The following ZNF766 variants were observed in gnomAD, a reference collection of about 807,000 sequenced individuals.
ZNF766 encodes zinc finger protein 766.
A neutral mutation model predicts 13.2 loss-of-function variants in ZNF766; 13 were observed. The observed-to-expected ratio is 0.98, with a 90% CI of 0.64 to 1.56. ZNF766 has a LOEUF of 1.56. ZNF766 is among the 40% of genes most tolerant of loss of function. The pLI is 0.00. For synonymous variants in ZNF766, 178 were observed against 187.6 expected, an observed-to-expected ratio of 0.95 and a Z score of 0.42; for missense variants, 521 against 552.2, an observed-to-expected ratio of 0.94 and a Z score of 0.57.
intron 3 of ZNF766, chr19:52,288,044 G>A (rs991483548): frequency 2.4e-5 from 10 of 412,048 alleles, no homozygotes; most frequent in African/African-American, 2.2e-4. Flanking sequence ...TTTTTGAGAT[G>A]GAGTCCTGTT....
chr19:52,271,730 C>A (rs182020856), intron 1 of ZNF766, among the ~76,000 whole-genome samples: 1 of 152,314 alleles, frequency 6.6e-6, no homozygotes, highest in South Asian at 2.1e-4. Flanking sequence ...GAGGCCAAGG[C>A]GGGTGGATCA....
intron 3 of ZNF766, among the ~76,000 whole-genome samples, chr19:52,286,750 A>G (rs149491394): frequency 2.0e-5 from 3 of 152,228 alleles, no homozygotes; most frequent in Non-Finnish European, 4.4e-5. Flanking sequence ...ATGAGGTGTG[A>G]TCCATTTTAA....
chr19:52,277,710 G>A (rs1191687145), intron 1 of ZNF766, among the ~76,000 whole-genome samples: 3 of 151,996 alleles, frequency 2.0e-5, no homozygotes, highest in East Asian at 3.9e-4. Context: ...TCCATCTCTT[G>A]TGACCCAGTG....
intron 1 of ZNF766, among the ~76,000 whole-genome samples, chr19:52,280,791 A>G (rs190350716): frequency 1.2e-3 from 183 of 151,610 alleles, no homozygotes; most frequent in African/African-American, 4.2e-3. Flanking sequence ...CATGTTGGCC[A>G]GGATGGTCTT....
At chr19:52,269,995 AG>A (rs1302157178) in intron 1 of ZNF766, among the ~76,000 whole-genome samples, 4 of 152,216 alleles carry the variant, frequency 2.6e-5, no homozygotes, top group Admixed American at 2.0e-4. Flanking sequence ...GCCATTCGGG[AG>A]GGGCCGCGTC....
chr19:52,276,325 A>G (rs539761475), intron 1 of ZNF766, among the ~76,000 whole-genome samples: 1 of 152,168 alleles, frequency 6.6e-6, no homozygotes, highest in African/African-American at 2.4e-5. Context: ...AATGCTTGTT[A>G]TACTGGGTTG....
intron 1 of ZNF766, among the ~76,000 whole-genome samples, chr19:52,277,811 G>A (rs1331448209): frequency 2.0e-5 from 3 of 152,070 alleles, no homozygotes; most frequent in Non-Finnish European, 4.4e-5. Context: ...GCCCCGTGGT[G>A]TCAGTGCTGT....
In ZNF766 at chr19:52,294,635, G is replaced by A. The variant is rs1982275653; in HGVS notation, c.*3437G>A. ...AGGAGTGGGCACTGAGGATTTTTCA[G>A]TTGACCAGATGGGCAGAATAGGAAG... On this transcript the variant is annotated 3_prime_UTR_variant, in exon 4 of 4. Transcript: ENST00000439461. The A allele has an allele frequency of 6.6e-6, 1 of 152,204 alleles. No homozygotes were observed. Among genetic ancestry groups the A allele is most frequent in the African/African-American group, 2.4e-5 (1 of 41,444 alleles). 9.4% of individuals were successfully genotyped at this position (152,204 alleles called of 1,614,324 possible). A position where few individuals can be genotyped will look rare whatever the true frequency, so the allele number is the denominator to read the frequency against.
At chr19:52,289,625 C>T (rs1246479136) in intron 3 of ZNF766, among the ~76,000 whole-genome samples, 1 of 152,172 alleles carries the variant, frequency 6.6e-6, no homozygotes, top group Non-Finnish European at 1.5e-5. Context: ...GGGTTTTCTC[C>T]ACTGCCAGTG....
chr19:52,290,338 A>G lies in ZNF766; in HGVS notation c.547A>G (p.Arg183Gly). The change falls in exon 4 of 4, where the codon AGG (arginine) becomes GGG (glycine). Residue 183 changes from arginine (R) to glycine (G), a missense_variant. Physicochemically the swap from Arg to Gly is moderately radical, Grantham distance 125. Coordinates refer to ENST00000439461, the MANE Select transcript of ZNF766 (RefSeq NM_001010851.3). Reference protein sequence around the residue: ...LLSQEQKAHIRRKPYECNEQG... With the variant: ...LLSQEQKAHIGRKPYECNEQG... ...GTCACAAGAACAGAAAGCACACATT[A>G]GGAGAAAACCTTACGAATGTAATGA... 6.2e-7 allele frequency: 1 copy of G among 1,614,128 alleles called. No individual in the cohort carries two copies. The highest frequency in any genetic ancestry group is 8.5e-7 in the Non-Finnish European group (1 of 1,180,024).
At chr19:52,280,076 G>A (rs542811651) in intron 1 of ZNF766, among the ~76,000 whole-genome samples, 22 of 152,220 alleles carry the variant, frequency 1.4e-4, no homozygotes, top group South Asian at 4.1e-4. Flanking sequence ...GATTACAGGC[G>A]TGAGCCACCG....
chr19:52,285,479 G>A (rs1005927351), intron 3 of ZNF766, among the ~76,000 whole-genome samples: 1 of 152,232 alleles, frequency 6.6e-6, no homozygotes, highest in African/African-American at 2.4e-5. Flanking sequence ...TGCTAGAGCA[G>A]CTCACAGAAG....
Position 52,290,640 on chromosome 19 carries a change from T to C in ZNF766, c.849T>C (p.Ile283=). ...AGTGTGGCAAGGTCTTCAGTCGAAT[T>C]ACATACCTTGTACGACATCAGAAAA... ...CNECGKVFSR[I]TYLVRHQKIH... is the part of the protein sequence containing the mutation. Residue 283 remains isoleucine, a synonymous_variant, in exon 4 of 4, where the codon ATT becomes ATC. Transcript: ENST00000439461. The C allele has an allele frequency of 6.2e-7, 1 of 1,613,980 alleles. No individual in the cohort carries two copies. The highest frequency in any genetic ancestry group is 8.5e-7 in the Non-Finnish European group (1 of 1,179,936).
intron 1 of ZNF766, chr19:52,281,828 G>T: frequency 1.9e-6 from 1 of 530,054 alleles, no homozygotes. Context: ...ACCTGAGCTA[G>T]AATACAAGTA....
chr19:52,273,140 C>G (rs994734378), intron 1 of ZNF766, among the ~76,000 whole-genome samples: 1 of 152,102 alleles, frequency 6.6e-6, no homozygotes, highest in Non-Finnish European at 1.5e-5. Context: ...TCCCAAGTAG[C>G]TGGGACTACA....
At chr19:52,286,318 CTTTCTTTT>C (rs796496761) in intron 3 of ZNF766, among the ~76,000 whole-genome samples, 273 of 141,274 alleles carry the variant, frequency 1.9e-3, no homozygotes, top group African/African-American at 7.0e-3. Flanking sequence ...GAGTGTTTTT[CTTTCTTTT>C]TTTTTTTTTT....
At position 52,295,600 on chromosome 19, in the gene ZNF766, A is replaced by G. The variant is rs1301287759; in HGVS notation, c.*4402A>G. The G allele has an allele frequency of 6.6e-6, 1 of 152,260 alleles. No homozygotes were observed. The highest frequency in any genetic ancestry group is 1.5e-5 in the Non-Finnish European group (1 of 68,050). 9.4% of individuals were successfully genotyped at this position (152,260 alleles called of 1,614,324 possible). ...TTTTTGACAAGAGTATGCACAAGAC[A>G]ATGGCAGGTATAAACGTTTTATTGT... On this transcript the variant is annotated 3_prime_UTR_variant, in exon 4 of 4. Transcript: ENST00000439461.
intron 1 of ZNF766, chr19:52,277,542 G>A: frequency 6.4e-7 from 1 of 1,571,272 alleles, no homozygotes; most frequent in Non-Finnish European, 8.6e-7. Flanking sequence ...ACTTACTCAG[G>A]TAAAGTGATA....
At chr19:52,283,015 T>A (rs545502233) in intron 2 of ZNF766, among the ~76,000 whole-genome samples, 1 of 152,290 alleles carries the variant, frequency 6.6e-6, no homozygotes, top group South Asian at 2.1e-4. Context: ...ATGCGATTGC[T>A]GGGTCAAATG....
Sources: gnomAD v4.1 joint callset for allele counts (sites outside exome capture counted in the v4.1 genomes callset) on GRCh38, gnomAD v4.1.1 for gene constraint, MANE v1.5 for transcripts, NCBI Gene and HGNC (gene_info 2026-07-23, HGNC 2026-07-21) for gene names.